FUS: variants seen among roughly 807,000 people sequenced by gnomAD.
FUS encodes the protein RNA-binding protein FUS.
In FUS, 5 loss-of-function variants were observed where a neutral mutation model predicts 82.7. The observed-to-expected ratio is 0.06, with a 90% CI of 0.03 to 0.13. The LOEUF is 0.13. Among genes scored for constraint, FUS ranks in the 10% least tolerant of loss-of-function variants. The pLI is 1.00. For synonymous variants in FUS, 281 were observed against 247.4 expected (o/e 1.14, Z -1.27); for missense variants, 512 against 707.8 (o/e 0.72, Z 3.14).
At chr16:31,182,729 T>A in intron 3 of FUS, 65 bp downstream of exon 3, 1 of 1,605,688 alleles carries the variant, frequency 6.2e-7, no homozygotes. Context: ...TTTTTCTTGT[T>A]TTTTGGAGAC....
chr16:31,183,946 G>A lies in FUS; in HGVS notation c.279G>A (p.Gln93=), dbSNP rs1244449911. Residue 93 remains glutamine (Q), a synonymous_variant, in exon 4 of 15, where the codon CAG becomes CAA. Transcript: ENST00000254108. ...AGAGCTCCCAATCGTCTTACGGGCAGCAGTCCTCCTACCCTGGCTATGGCC... is the reference window on the plus strand; with the variant it reads ...AGAGCTCCCAATCGTCTTACGGGCAACAGTCCTCCTACCCTGGCTATGGCC... ...SSQSSQSSYG[Q]QSSYPGYGQQ... 2 of 1,613,818 alleles carry A rather than the reference G, an allele frequency of 1.2e-6. No homozygotes were observed. The highest frequency in any genetic ancestry group is 8.5e-7 in the Non-Finnish European group (1 of 1,179,836).
At position 31,188,279 on chromosome 16, in the gene FUS, C is replaced by G. The variant is rs533101111; in HGVS notation, c.800-46C>G. Reference sequence around the variant, plus strand: ...CCTGTTGACTAACGGCTCATCTTTTCCTTGTTTTTGTTTTTTTTTTGTTCT... The same window carrying G: ...CCTGTTGACTAACGGCTCATCTTTTGCTTGTTTTTGTTTTTTTTTTGTTCT... On this transcript the variant is annotated intron_variant, in intron 7 of 14. Transcript: ENST00000254108. 9 of 1,597,672 alleles carry G rather than the reference C, an allele frequency of 5.6e-6. No individual in the cohort carries two copies. The South Asian group carries it at 1.0e-4, about 18-fold the overall frequency.
Position 31,188,136 on chromosome 16 carries a change from T to C in FUS, c.800-189T>C, listed in dbSNP as rs575574429. On this transcript the variant is annotated intron_variant, in intron 7 of 14. Transcript: ENST00000254108. Reference sequence around the variant, plus strand: ...AGTTACAGATCTTAAGGGGCCTGCCTAGAATTTTCTCCTCTGGGCAGGCGA... The same window carrying C: ...AGTTACAGATCTTAAGGGGCCTGCCCAGAATTTTCTCCTCTGGGCAGGCGA... 8.0e-6 allele frequency: 5 copies of C among 625,506 alleles called. No individual in the cohort carries two copies. In the South Asian group the frequency reaches 9.9e-5, roughly 12 times the overall value. 38.7% of individuals were successfully genotyped at this position (625,506 alleles called of 1,614,324 possible).
At position 31,191,306 on chromosome 16, in the gene FUS, G is replaced by C. The variant is rs72550885; in HGVS notation, c.1542-93G>C. 3.9e-4 allele frequency: 602 copies of C among 1,540,848 alleles called. 4 individuals are homozygous for C. The South Asian group carries it at 6.2e-3, about 16-fold the overall frequency. ...CCCACTTGAGATAAGATACTCGCTG[G>C]GTTAGGTAGGAGGGGCAGATAGGAT... is the stretch of plus-strand genomic sequence containing the variant. On this transcript the variant is annotated intron_variant, in intron 14 of 14. Coordinates refer to ENST00000254108, the MANE Select transcript of FUS (RefSeq NM_004960.4).
chr16:31,192,799 T>A, downstream of FUS: 1 of 480,824 alleles, frequency 2.1e-6, no homozygotes, highest in Non-Finnish European at 4.1e-6. Context: ...TCTTAACTCC[T>A]GACCTCAGGT....
At chr16:31,183,696 C>T in intron 3 of FUS, 162 bp from the exon 4 acceptor site, 3 of 834,212 alleles carry the variant, frequency 3.6e-6, no homozygotes, top group Admixed American at 2.0e-5. Flanking sequence ...TAAATTTAGG[C>T]TTTGAAAGGA....
rs1025205564 is a variant in FUS at position 31,184,863 on chromosome 16, A to G, written c.524-76A>G. On this transcript the variant is annotated intron_variant, in intron 5 of 14. Transcript: ENST00000254108. ...GTCCTTCATTGCCTGGCACTTGTCA[A>G]ACCTTTTCAAACCTTTTAGTGCTAC... The G allele has an allele frequency of 1.4e-5, 21 of 1,493,818 alleles. No homozygotes were observed. The Admixed American group carries it at 1.7e-4, about 12-fold the overall frequency. 92.5% of individuals were successfully genotyped at this position (1,493,818 alleles called of 1,614,324 possible).
intron 5 of FUS, 117 bp downstream of exon 5, chr16:31,184,513 G>C (rs1381386361): frequency 2.9e-6 from 3 of 1,042,658 alleles, no homozygotes; most frequent in Non-Finnish European, 4.2e-6. Context: ...GCACAATCTC[G>C]GCTCACTGCA....
Position 31,184,918 on chromosome 16 carries a change from T to C in FUS, c.524-21T>C, listed in dbSNP as rs74015090. 0.011 allele frequency: 17,463 copies of C among 1,594,272 alleles called. 1,072 individuals are homozygous for C. The African/African-American group carries it at 0.16, about 15-fold the overall frequency. On this transcript the variant is annotated intron_variant, in intron 5 of 14. Transcript: ENST00000254108. ...CAATCTTTTTGTTTTTTTTTTTTAA[T>C]CATTCTTTCTTTTCTCACAGGTAAC...
chr16:31,184,722 C>T (rs961480651), intron 5 of FUS, among the ~76,000 whole-genome samples: 1 of 151,368 alleles, frequency 6.6e-6, no homozygotes, highest in Non-Finnish European at 1.5e-5. Flanking sequence ...GGATTACAGG[C>T]GTGAGCCACT....
chr16:31,191,853 A>G (rs771689682), downstream of FUS: 13 of 550,568 alleles, frequency 2.4e-5, no homozygotes. Flanking sequence ...GCTATGGGGA[A>G]TTTTTCCTTT....
chr16:31,193,634 G>T (rs1317128951), downstream of FUS: 1 of 529,526 alleles, frequency 1.9e-6, no homozygotes, highest in Non-Finnish European at 3.7e-6. Flanking sequence ...AGGAAATAGG[G>T]TCCCAGGTGA....
downstream of FUS, chr16:31,193,565 C>T: frequency 1.9e-6 from 1 of 530,014 alleles, no homozygotes; most frequent in South Asian, 1.5e-5. Flanking sequence ...TTACTGGGAC[C>T]ATTAGTGTCA....
chr16:31,190,532 C>T, intron 12 of FUS, 134 bp downstream of exon 12: 1 of 1,394,354 alleles, frequency 7.2e-7, no homozygotes, highest in Non-Finnish European at 1.0e-6. Context: ...TAGCCAAAAG[C>T]TTACCTAGGT....
In FUS at chr16:31,184,144, A is replaced by T. The variant is rs1008504763; in HGVS notation, c.336-65A>T. 3.3e-5 allele frequency: 53 copies of T among 1,613,858 alleles called. No individual in the cohort carries two copies. In the Admixed American group the frequency reaches 8.7e-4, roughly 26 times the overall value. On this transcript the variant is annotated intron_variant, in intron 4 of 14. Transcript: ENST00000254108. Reference sequence around the variant, plus strand: ...TTGGGTACAGAGAATGGACTCCACTAAAAGTGAAAGGAAATTGGGGGCTAT... The same window carrying T: ...TTGGGTACAGAGAATGGACTCCACTTAAAGTGAAAGGAAATTGGGGGCTAT...
chr16:31,182,430 C>G lies in FUS; in HGVS notation c.38+8C>G. On this transcript the variant is annotated splice_region_variant and intron_variant, in intron 2 of 14. Transcript: ENST00000254108. The stretch of plus-strand genomic sequence containing the variant: ...CCAACAAGCAACCCAAAGGTGAGTG[C>G]TATTTTTGGGCTTCCAGAGTTTGTA... 2 of 1,614,144 alleles carry G rather than the reference C, an allele frequency of 1.2e-6. No individual in the cohort carries two copies. Among genetic ancestry groups the G allele is most frequent in the East Asian group, 2.2e-5 (1 of 44,884 alleles).
chr16:31,182,681 G>C lies in FUS; in HGVS notation c.190+17G>C, dbSNP rs769150556. 1 of 1,614,090 alleles carries C rather than the reference G, an allele frequency of 6.2e-7. No homozygotes were observed. The highest frequency in any genetic ancestry group is 8.5e-7 in the Non-Finnish European group (1 of 1,179,976). On this transcript the variant is annotated intron_variant, in intron 3 of 14. Coordinates refer to ENST00000254108, the MANE Select transcript of FUS (RefSeq NM_004960.4). ...GCCAGAACAGTGAGTCTTTCTCAGC[G>C]GGTCACCTCTTCCTACTCTTTCTGA... is the stretch of plus-strand genomic sequence containing the variant.
downstream of FUS, chr16:31,194,148 G>A (rs1177449980): frequency 1.9e-6 from 1 of 532,132 alleles, no homozygotes; most frequent in South Asian, 1.5e-5. Context: ...GGGCCTTCCT[G>A]GGTTTCAGTA....
In FUS at chr16:31,186,363, T is replaced by A. The variant is rs72550848; in HGVS notation, c.765-439T>A. On this transcript the variant is annotated intron_variant, in intron 6 of 14. Transcript: ENST00000254108. ...TTTATGGAATGGGGTTGGGTCTGCT[T>A]GCTGCTTTCAAAGCAAAAACCACAA... is the stretch of plus-strand genomic sequence containing the variant. The A allele has an allele frequency of 8.6e-6, 3 of 348,632 alleles. No individual in the cohort carries two copies. The East Asian group carries it at 1.4e-4, about 16-fold the overall frequency. 21.6% of individuals were successfully genotyped at this position (348,632 alleles called of 1,614,324 possible).
Sources: allele counts gnomAD v4.1 joint callset (sites outside exome capture counted in the v4.1 genomes callset), GRCh38; gene constraint gnomAD v4.1.1; transcripts MANE v1.5; gene names NCBI Gene and HGNC (gene_info 2026-07-23, HGNC 2026-07-21).